Variants in DST observed in about 807,000 individuals in gnomAD.
DST encodes the protein dystonin, also known as bullous pemphigoid antigen.
In DST, 253 loss-of-function variants were observed where a neutral mutation model predicts 875.2. The ratio of observed to expected loss-of-function variants is 0.29; its 90% confidence interval spans 0.26 to 0.32. DST has a LOEUF of 0.32. Among genes scored for constraint, DST ranks in the 10% least tolerant of loss-of-function variants. The pLI, the probability that DST is intolerant of heterozygous loss-of-function variation, is 1.00. For missense variants in DST, 8,287 were observed against 9,111.6 expected (o/e 0.91, Z 3.68); for synonymous variants, 3,124 against 3,197.1 (o/e 0.98, Z 0.77).
rs779746657 is a variant in DST at position 56,459,103 on chromosome 6, G to A, written c.23359C>T (p.Arg7787Ter). 3.7e-6 allele frequency: 6 copies of A among 1,613,884 alleles called. No homozygotes were observed. The highest frequency in any genetic ancestry group is 5.1e-6 in the Non-Finnish European group (6 of 1,179,888). Residue 7787 changes from arginine to a stop codon, truncating the protein, a stop_gained, in exon 104 of 104, where the codon CGA becomes TGA. Coordinates refer to ENST00000680361, the MANE Select transcript of DST (RefSeq NM_001374736.1). LOFTEE classifies it high-confidence loss of function. ...TVPQTHRPTP[R>*]AGSRPSTAKP... Reference sequence around the variant, plus strand: ...GCTGTGGATGGCCGAGAACCTGCTCGGGGTGTAGGTCTGTGTGTCTGGGGG... The same window carrying A: ...GCTGTGGATGGCCGAGAACCTGCTCAGGGTGTAGGTCTGTGTGTCTGGGGG...
intron 50 of DST, among the ~76,000 whole-genome samples, chr6:56,574,099 C>T (rs1480899805): frequency 6.6e-6 from 1 of 152,010 alleles, no homozygotes; most frequent in Non-Finnish European, 1.5e-5. Context: ...AAATTGAAAT[C>T]TTTTTTTAAA....
intron 9 of DST, among the ~76,000 whole-genome samples, chr6:56,681,207 A>G (rs2099155788): frequency 6.6e-6 from 1 of 152,058 alleles, no homozygotes. Flanking sequence ...CCATTTACCC[A>G]GTTGCCCCCA....
chr6:56,523,851 G>A (rs2096749719), intron 69 of DST, among the ~76,000 whole-genome samples: 2 of 152,078 alleles, frequency 1.3e-5, no homozygotes, highest in East Asian at 1.9e-4. Context: ...GGGGTCTGGG[G>A]AAAGAGTCAC....
intron 4 of DST, chr6:56,843,280 A>C (rs996197839): frequency 1.4e-5 from 18 of 1,250,544 alleles, no homozygotes; most frequent in Middle Eastern, 2.1e-4. Flanking sequence ...AGAAGCACGG[A>C]AGCCGAAGAC....
At position 56,463,718 on chromosome 6, in the gene DST, T is replaced by G; in HGVS notation, c.22806A>C (p.Ala7602=). 1 of 1,614,012 alleles carries G rather than the reference T, an allele frequency of 6.2e-7. No homozygotes were observed. Among genetic ancestry groups the G allele is most frequent in the South Asian group, 1.1e-5 (1 of 91,090 alleles). ...NMELREKFIL[A]DGASQGMAAF... ...CAGCCATACCCTGGCTGGCACCATCTGCTAAAATGAACTTCTCACGCAGTT... is the reference window on the plus strand; with the variant it reads ...CAGCCATACCCTGGCTGGCACCATCGGCTAAAATGAACTTCTCACGCAGTT... Residue 7602 remains alanine, a synonymous_variant, in exon 101 of 104, where the codon GCA becomes GCC. Transcript: ENST00000680361.
At chr6:56,754,511 T>C (rs765804193) in intron 4 of DST, among the ~76,000 whole-genome samples, 32 of 152,192 alleles carry the variant, frequency 2.1e-4, no homozygotes, top group Admixed American at 6.5e-4. Context: ...ATTCTCATTA[T>C]CACTAGTTTC....
In DST at chr6:56,609,000, C is replaced by A; in HGVS notation, c.5628G>T (p.Leu1876=). The change falls in exon 40 of 104, where the codon CTG becomes CTT. Residue 1876 remains leucine (L), a synonymous_variant. Coordinates refer to ENST00000680361, the MANE Select transcript of DST (RefSeq NM_001374736.1). ...ESMAIKVLEI[L]LSTGSLVIPA... ...GAATAACCAGAGAGCCTGTAGAAAG[C>A]AGTATCTCAAGAACTTTGATGGCCA... 1 of 1,613,852 alleles carries A rather than the reference C, an allele frequency of 6.2e-7. No homozygotes were observed. The highest frequency in any genetic ancestry group is 8.5e-7 in the Non-Finnish European group (1 of 1,179,808).
intron 10 of DST, among the ~76,000 whole-genome samples, chr6:56,662,013 T>C (rs1399282506): frequency 2.0e-5 from 3 of 152,112 alleles, no homozygotes; most frequent in East Asian, 3.8e-4. Flanking sequence ...GAGTGAAACA[T>C]AGGCCTTCAA....
chr6:56,574,001 A>G (rs1027069973), intron 50 of DST, 114 bp from the exon 51 acceptor site: 7 of 722,764 alleles, frequency 9.7e-6, no homozygotes, highest in Non-Finnish European at 1.5e-5. Flanking sequence ...AAAAAATAAA[A>G]AGTTCAATGA....
intron 4 of DST, among the ~76,000 whole-genome samples, chr6:56,773,445 C>A (rs184450338): frequency 2.5e-4 from 38 of 152,056 alleles, no homozygotes; most frequent in Middle Eastern, 6.8e-3. Flanking sequence ...AAAAATACCA[C>A]AAAAGTCTAT....
At chr6:56,867,849 T>C (rs1266685184) in intron 3 of DST, among the ~76,000 whole-genome samples, 1 of 151,562 alleles carries the variant, frequency 6.6e-6, no homozygotes, top group Non-Finnish European at 1.5e-5. Context: ...AAAAAAATAG[T>C]AGGGCTCTCA....
At chr6:56,628,947 T>C (rs752041459) in intron 32 of DST, among the ~76,000 whole-genome samples, 2 of 152,212 alleles carry the variant, frequency 1.3e-5, no homozygotes, top group Non-Finnish European at 2.9e-5. Context: ...TCATGGTTAT[T>C]TGAATATTAT....
intron 4 of DST, among the ~76,000 whole-genome samples, chr6:56,770,858 T>C (rs926694636): frequency 7.2e-4 from 109 of 151,940 alleles, no homozygotes; most frequent in African/African-American, 2.5e-3. Context: ...AAATTACCTG[T>C]GCATGGTGGT....
intron 49 of DST, among the ~76,000 whole-genome samples, chr6:56,582,022 C>A (rs529680678): frequency 2.0e-5 from 3 of 152,054 alleles, no homozygotes; most frequent in African/African-American, 7.2e-5. Context: ...ATTTTACCTG[C>A]TTAATATTTT....
chr6:56,472,065 T>C lies in DST; in HGVS notation c.22152A>G (p.Leu7384=). The part of the protein sequence containing the change: ...RRKLNDALDR[L]EELREFANFD... ...AGGGTATGAATTTCCAAACCTCCTC[T>C]AGTCTGTCCAAGGCATCATTGAGTT... The change falls in exon 94 of 104, where the codon CTA becomes CTG. Residue 7384 remains leucine, a synonymous_variant. Transcript: ENST00000680361. 1 of 1,613,938 alleles carries C rather than the reference T, an allele frequency of 6.2e-7. No individual in the cohort carries two copies. Among genetic ancestry groups the C allele is most frequent in the Non-Finnish European group, 8.5e-7 (1 of 1,179,804 alleles).
Position 56,610,484 on chromosome 6 carries a change from T to A in DST, c.5226A>T (p.Glu1742Asp). Residue 1742 changes from glutamate (E) to aspartate (D), a missense_variant, in exon 39 of 104, where the codon GAA becomes GAT. Around this residue, in one of 10 missense-constraint regions of DST, gnomAD observed 3,138 missense variants for 3,116.6 expected, o/e 1.01. Coordinates refer to ENST00000680361, the MANE Select transcript of DST (RefSeq NM_001374736.1). Reference sequence around the variant, plus strand: ...GTGATTCTTGTAGCTGTTTCAGAGATTCACTGAATAATAAATTATAACTTT... The same window carrying A: ...GTGATTCTTGTAGCTGTTTCAGAGAATCACTGAATAATAAATTATAACTTT... Reference protein sequence around the residue: ...LQESYNLLFSESLKQLQESQT... With the variant: ...LQESYNLLFSDSLKQLQESQT... 1 of 1,567,572 alleles carries A rather than the reference T, an allele frequency of 6.4e-7. No homozygotes were observed. The highest frequency in any genetic ancestry group is 2.3e-5 in the East Asian group (1 of 43,506).
chr6:56,518,344 T>C (rs1023341880), intron 69 of DST, among the ~76,000 whole-genome samples: 4 of 152,166 alleles, frequency 2.6e-5, no homozygotes, highest in African/African-American at 9.7e-5. Flanking sequence ...GCTGGTATTG[T>C]AGTGAATTTT....
rs183726850 is a variant in DST at position 56,611,815 on chromosome 6, G to A, written c.5059-219C>T. On this transcript the variant is annotated intron_variant, in intron 37 of 103. Coordinates refer to ENST00000680361, the MANE Select transcript of DST (RefSeq NM_001374736.1). ...AGCTCCTCTCTCTATCCTTAATGCC[G>A]TCATTTTCAAGAGAAAATAATACAT... Among the ~76,000 whole-genome samples, 148 of 152,166 alleles carry A rather than the reference G, an allele frequency of 9.7e-4. No individual in the cohort carries two copies. The Middle Eastern group carries it at 0.017, about 17-fold the overall frequency.
chr6:56,819,220 C>T (rs140268211), intron 4 of DST, among the ~76,000 whole-genome samples: 4 of 152,200 alleles, frequency 2.6e-5, no homozygotes, highest in African/African-American at 9.6e-5. Flanking sequence ...TATATTTGAG[C>T]TCTGACACGG....
Sources: allele counts gnomAD v4.1 joint callset (sites outside exome capture counted in the v4.1 genomes callset), GRCh38; gene constraint gnomAD v4.1.1; regional missense constraint gnomAD v4.1.1; transcripts MANE v1.5; gene names NCBI Gene and HGNC (gene_info 2026-07-23, HGNC 2026-07-21).